The following ANKRD36C variants were observed in gnomAD, a reference collection of about 807,000 sequenced individuals.
ANKRD36C encodes the protein ankyrin repeat domain-containing protein 36C.
In ANKRD36C, 61 loss-of-function variants were observed where a neutral mutation model predicts 276.4. That is an observed-to-expected ratio of 0.22 (90% CI 0.18 to 0.27). The LOEUF is 0.27. ANKRD36C is among the 10% of genes least tolerant of loss of function. The pLI is 1.00. For synonymous variants in ANKRD36C, 483 were observed against 680.1 expected (o/e 0.71, Z 4.51); for missense variants, 1,447 against 2,032.3 (o/e 0.71, Z 5.54).
chr2:95,983,958 T>C (rs1423340012), intron 3 of ANKRD36C, among the ~76,000 whole-genome samples: 3 of 152,134 alleles, frequency 2.0e-5, no homozygotes, highest in South Asian at 2.1e-4. Context: ...GAGAAAAATA[T>C]AATGTTGTCT....
chr2:95,878,169 G>C (rs1675996943), intron 58 of ANKRD36C, among the ~76,000 whole-genome samples: 1 of 146,704 alleles, frequency 6.8e-6, no homozygotes, highest in Admixed American at 6.8e-5. Context: ...GGGAGACAGA[G>C]CAAGACTCTG....
At chr2:95,948,701 A>C (rs980039076) in intron 16 of ANKRD36C, 105 bp from the exon 17 acceptor site, 49 of 1,023,370 alleles carry the variant, frequency 4.8e-5, no homozygotes, top group Non-Finnish European at 6.6e-5. Context: ...AAATGGTAAA[A>C]CAAAGTCTGA....
intron 3 of ANKRD36C, 56 bp from the exon 4 acceptor site, chr2:95,982,418 A>C (rs1216699761): frequency 1.5e-5 from 21 of 1,405,028 alleles, no homozygotes; most frequent in Non-Finnish European, 2.0e-5. Flanking sequence ...ATCAACTGAA[A>C]TGAAAACCTT....
At chr2:95,971,298 T>G (rs60762042) in intron 6 of ANKRD36C, among the ~76,000 whole-genome samples, 2 of 75,654 alleles carry the variant, frequency 2.6e-5, no homozygotes, top group Non-Finnish European at 3.6e-5. Flanking sequence ...TATATTTAAA[T>G]ATAAATATAA....
intron 60 of ANKRD36C, among the ~76,000 whole-genome samples, chr2:95,864,982 T>C (rs2950732): frequency 2.0e-5 from 3 of 152,182 alleles, no homozygotes; most frequent in South Asian, 4.1e-4. Context: ...TATATGCTAG[T>C]GATAAACAAT....
Position 95,888,073 on chromosome 2 carries a change from T to G in ANKRD36C, c.2988+19A>C. ...ACCACACAGTTAATAGTTCACAATA[T>G]AAATGACAGTTTAATTACCTTCAAG... On this transcript the variant is annotated intron_variant, in intron 49 of 66. Coordinates refer to ENST00000456556, the Ensembl canonical transcript of ANKRD36C. 1 of 1,609,754 alleles carries G rather than the reference T, an allele frequency of 6.2e-7. No homozygotes were observed. Among genetic ancestry groups the G allele is most frequent in the African/African-American group, 1.3e-5 (1 of 74,772 alleles).
chr2:95,957,053 C>T (rs76879911), intron 12 of ANKRD36C, among the ~76,000 whole-genome samples: 6 of 151,050 alleles, frequency 4.0e-5, no homozygotes, highest in East Asian at 1.9e-4. Flanking sequence ...CGGTGGGTCA[C>T]GCCTGTAATC....
intron 10 of ANKRD36C, among the ~76,000 whole-genome samples, chr2:95,959,721 C>A (rs1678411356): frequency 6.6e-6 from 1 of 152,216 alleles, no homozygotes; most frequent in African/African-American, 2.4e-5. Context: ...GCTCTCTGAA[C>A]AACAAAGCCA....
chr2:95,985,186 T>C (rs1218763475), intron 3 of ANKRD36C, among the ~76,000 whole-genome samples: 1 of 152,214 alleles, frequency 6.6e-6, no homozygotes, highest in Non-Finnish European at 1.5e-5. Context: ...GAATAAGTGA[T>C]GGTGGCAAAG....
At chr2:95,960,362 C>T (rs1260807628) in intron 10 of ANKRD36C, 111 bp downstream of exon 10, 119 of 1,337,178 alleles carry the variant, frequency 8.9e-5, no homozygotes, top group Non-Finnish European at 1.1e-4. Flanking sequence ...ATCTCAGGCC[C>T]GCTGAATCAG....
At chr2:95,979,702 A>C (rs1678878573) in intron 5 of ANKRD36C, among the ~76,000 whole-genome samples, 2 of 151,984 alleles carry the variant, frequency 1.3e-5, no homozygotes, top group South Asian at 2.1e-4. Flanking sequence ...AAAAACTGTG[A>C]TCTCTTTCTA....
chr2:95,893,009 C>G (rs1676419381), intron 44 of ANKRD36C, among the ~76,000 whole-genome samples: 2 of 150,762 alleles, frequency 1.3e-5, no homozygotes, highest in Non-Finnish European at 3.0e-5. Context: ...TGAGTTCACT[C>G]AGGTTTCCTC....
rs1558624466 is a variant in ANKRD36C at position 95,878,862 on chromosome 2, CATTA to C, written c.3469+1561_3469+1564del. Among the ~76,000 whole-genome samples the C allele has an allele frequency of 2.6e-5, 4 of 152,044 alleles. No individual in the cohort carries two copies. In the East Asian group the frequency reaches 5.8e-4, roughly 22 times the overall value. ...CAGAACCCTCGTACACCATTGGTGG[CATTA>C]TGAATTAGTACAGCCACTATGGAGA... On this transcript the variant is annotated intron_variant, in intron 58 of 66. Transcript: ENST00000456556.
At chr2:95,898,745 TG>T (rs1366875108) in intron 44 of ANKRD36C, among the ~76,000 whole-genome samples, 1 of 124,232 alleles carries the variant, frequency 8.0e-6, no homozygotes, top group Non-Finnish European at 1.8e-5. Flanking sequence ...TCTCCTACAG[TG>T]TATATGGGTT....
intron 16 of ANKRD36C, among the ~76,000 whole-genome samples, chr2:95,949,278 T>C (rs111626373): frequency 8.0e-4 from 108 of 135,532 alleles, no homozygotes; most frequent in East Asian, 5.9e-3. Flanking sequence ...ATTATTGTCA[T>C]TATATAGATC....
chr2:95,976,997 T>C (rs1486598249), intron 6 of ANKRD36C, among the ~76,000 whole-genome samples: 1 of 151,904 alleles, frequency 6.6e-6, no homozygotes, highest in Admixed American at 6.6e-5. Context: ...ACAGGATAGC[T>C]TCTCATTCTA....
downstream of ANKRD36C, among the ~76,000 whole-genome samples, chr2:95,850,459 C>T (rs1675269759): frequency 6.6e-6 from 1 of 152,112 alleles, no homozygotes; most frequent in African/African-American, 2.4e-5. Context: ...AGGTTGATAT[C>T]TGAAGGGGAA....
At chr2:95,892,090 T>C (rs1009739071) in intron 44 of ANKRD36C, among the ~76,000 whole-genome samples, 6 of 151,552 alleles carry the variant, frequency 4.0e-5, no homozygotes, top group African/African-American at 1.5e-4. Flanking sequence ...TGATTTGTCA[T>C]ATGTCGAAAA....
At chr2:95,920,207 A>C (rs1273199995) in intron 34 of ANKRD36C, among the ~76,000 whole-genome samples, 1 of 133,156 alleles carries the variant, frequency 7.5e-6, no homozygotes, top group Non-Finnish European at 1.7e-5. Flanking sequence ...CCGAGTGATG[A>C]GGACAAACTG....
Sources: gnomAD v4.1 joint callset for allele counts (sites outside exome capture counted in the v4.1 genomes callset) on GRCh38, gnomAD v4.1.1 for gene constraint, MANE v1.5 for transcripts, NCBI Gene and HGNC (gene_info 2026-07-23, HGNC 2026-07-21) for gene names.